The following CDYL2 variants were observed in gnomAD, a reference collection of about 807,000 sequenced individuals.
CDYL2 encodes the protein chromodomain Y like 2, also known as chromodomain Y-like protein 2.
A neutral mutation model predicts 49.4 loss-of-function variants in CDYL2; 23 were observed. That is an observed-to-expected ratio of 0.47 (90% CI 0.34 to 0.66). CDYL2 has a LOEUF of 0.66. Among genes scored for constraint, CDYL2 ranks in the 30% least tolerant of loss-of-function variants. CDYL2 has a pLI of 0.01. For synonymous variants in CDYL2, 360 were observed against 268.8 expected, an observed-to-expected ratio of 1.34 and a Z score of -3.32; for missense variants, 678 against 656.4, an observed-to-expected ratio of 1.03 and a Z score of -0.36.
At chr16:80,724,557 CAT>C (rs1423978847) in intron 1 of CDYL2, among the ~76,000 whole-genome samples, 3 of 152,236 alleles carry the variant, frequency 2.0e-5, no homozygotes, top group Admixed American at 1.3e-4. Context: ...ATAACACACA[CAT>C]GACACACATG....
intron 1 of CDYL2, among the ~76,000 whole-genome samples, chr16:80,759,057 A>C (rs953237693): frequency 6.9e-6 from 1 of 145,978 alleles, no homozygotes; most frequent in Non-Finnish European, 1.5e-5. Flanking sequence ...ATATGACCCC[A>C]TATGTACATA....
At chr16:80,617,983 G>C (rs1906906480) in intron 4 of CDYL2, among the ~76,000 whole-genome samples, 1 of 152,328 alleles carries the variant, frequency 6.6e-6, no homozygotes, top group Admixed American at 6.5e-5. Context: ...GTGTTGCCAA[G>C]CATCAGGGTC....
At position 80,651,303 on chromosome 16, in the gene CDYL2, T is replaced by C. The variant is rs140124475; in HGVS notation, c.617-18067A>G. 3.7e-3 allele frequency among the ~76,000 whole-genome samples: 569 copies of C among 152,178 alleles called. 2 individuals are homozygous for C. The highest frequency in any genetic ancestry group is 0.02 in the South Asian group (96 of 4,826). On this transcript the variant is annotated intron_variant, in intron 2 of 6. Transcript: ENST00000570137. ...AGCTATCAAGCCACCAAAAAAAGAATGAATAGTAAATGCGTATTACTAAGT... is the reference window on the plus strand; with the variant it reads ...AGCTATCAAGCCACCAAAAAAAGAACGAATAGTAAATGCGTATTACTAAGT...
chr16:80,701,134 A>T (rs977994491), intron 1 of CDYL2, among the ~76,000 whole-genome samples: 1 of 152,242 alleles, frequency 6.6e-6, no homozygotes, highest in African/African-American at 2.4e-5. Flanking sequence ...CATACAACCA[A>T]TTCTAAAGGG....
intron 2 of CDYL2, among the ~76,000 whole-genome samples, chr16:80,669,669 C>T (rs547535050): frequency 7.2e-5 from 11 of 152,292 alleles, no homozygotes; most frequent in Non-Finnish European, 1.0e-4. Flanking sequence ...TAACTCTTAT[C>T]CTCTGGCTGG....
intron 1 of CDYL2, among the ~76,000 whole-genome samples, chr16:80,788,893 C>G (rs1326961400): frequency 9.2e-5 from 14 of 151,974 alleles, no homozygotes; most frequent in Admixed American, 9.2e-4. Flanking sequence ...CTCAACTCAA[C>G]AAGAAAAAAA....
At chr16:80,803,558 G>A (rs1249036774) in intron 1 of CDYL2, among the ~76,000 whole-genome samples, 1 of 151,490 alleles carries the variant, frequency 6.6e-6, no homozygotes, top group Non-Finnish European at 1.5e-5. Flanking sequence ...GGGGACCCCG[G>A]GGAGCGGTTT....
In CDYL2 at chr16:80,699,710, TG is replaced by T. The variant is rs1354039690; in HGVS notation, c.25-14582del. Reference sequence around the variant, plus strand: ...AAGAAATGACAAATGTTTGAAGGGATGGATATGCTAATTACCCTGATTTGAT... The same window carrying T: ...AAGAAATGACAAATGTTTGAAGGGATGATATGCTAATTACCCTGATTTGAT... On this transcript the variant is annotated intron_variant, in intron 1 of 6. Transcript: ENST00000570137. Among the ~76,000 whole-genome samples, 5 of 152,216 alleles carry T rather than the reference TG, an allele frequency of 3.3e-5. No individual in the cohort carries two copies. The East Asian group carries it at 9.6e-4, about 29-fold the overall frequency.
chr16:80,640,548 C>G (rs72806114), intron 2 of CDYL2, among the ~76,000 whole-genome samples: 21,243 of 151,976 alleles, frequency 0.14, 1,846 homozygotes, highest in Middle Eastern at 0.2. Context: ...AATTCCCAGA[C>G]ACAAACATCT....
intron 1 of CDYL2, among the ~76,000 whole-genome samples, chr16:80,803,596 A>T (rs1456244451): frequency 1.2e-4 from 1 of 8,354 alleles, no homozygotes; most frequent in African/African-American, 6.7e-4. Flanking sequence ...ACCCCCACCC[A>T]GCCTCCCCCT....
chr16:80,753,818 G>T (rs879624921), intron 1 of CDYL2, among the ~76,000 whole-genome samples: 1 of 152,122 alleles, frequency 6.6e-6, no homozygotes, highest in African/African-American at 2.4e-5. Flanking sequence ...TCTGCTTATC[G>T]AAAGACACAA....
At chr16:80,689,143 A>G (rs1008643546) in intron 1 of CDYL2, among the ~76,000 whole-genome samples, 19 of 152,226 alleles carry the variant, frequency 1.2e-4, no homozygotes, top group African/African-American at 4.6e-4. Context: ...TCTTTTCTCA[A>G]AAATAAGCAA....
intron 1 of CDYL2, among the ~76,000 whole-genome samples, chr16:80,773,925 C>T (rs1157468183): frequency 1.3e-5 from 2 of 151,944 alleles, no homozygotes. Flanking sequence ...ATAAGAGCCT[C>T]AGTTTAGTTC....
intron 2 of CDYL2, among the ~76,000 whole-genome samples, chr16:80,675,692 G>GA (rs1247518467): frequency 6.6e-6 from 1 of 151,610 alleles, no homozygotes; most frequent in Non-Finnish European, 1.5e-5. Flanking sequence ...ATTAGGAGGT[G>GA]AAGTTTTATT....
chr16:80,623,052 A>G (rs888862614), intron 3 of CDYL2, among the ~76,000 whole-genome samples: 3 of 152,220 alleles, frequency 2.0e-5, no homozygotes, highest in African/African-American at 7.2e-5. Flanking sequence ...CAGACTGGCC[A>G]GCTCAAAGCT....
At chr16:80,736,955 T>C (rs754437658) in intron 1 of CDYL2, among the ~76,000 whole-genome samples, 3 of 152,200 alleles carry the variant, frequency 2.0e-5, no homozygotes, top group Non-Finnish European at 4.4e-5. Flanking sequence ...TGGAAATTTA[T>C]ATTACATGAT....
intron 4 of CDYL2, among the ~76,000 whole-genome samples, chr16:80,618,186 C>T (rs1484341158): frequency 6.6e-6 from 1 of 152,246 alleles, no homozygotes; most frequent in East Asian, 1.9e-4. Context: ...AGCTCACTTG[C>T]CCGCTGAGAT....
chr16:80,774,118 T>C (rs2142398018), intron 1 of CDYL2, among the ~76,000 whole-genome samples: 1 of 151,824 alleles, frequency 6.6e-6, no homozygotes, highest in African/African-American at 2.4e-5. Flanking sequence ...TGCATAAAAG[T>C]AAAGGAAGAA....
intron 2 of CDYL2, among the ~76,000 whole-genome samples, chr16:80,647,324 C>T (rs530207744): frequency 7.2e-5 from 11 of 151,960 alleles, no homozygotes; most frequent in Non-Finnish European, 1.3e-4. Context: ...TCTCAAAATA[C>T]CAATAATATT....
Sources: allele counts gnomAD v4.1 joint callset (sites outside exome capture counted in the v4.1 genomes callset), GRCh38; gene constraint gnomAD v4.1.1; transcripts MANE v1.5; gene names NCBI Gene and HGNC (gene_info 2026-07-23, HGNC 2026-07-21).